The following SLC22A24 variants were observed in gnomAD, a reference collection of about 807,000 sequenced individuals.
The protein encoded by SLC22A24 is solute carrier family 22 member 24, also known as steroid transmembrane transporter SLC22A24.
A neutral mutation model predicts 49.8 loss-of-function variants in SLC22A24; 53 were observed. That is an observed-to-expected ratio of 1.06 (90% confidence interval 0.85 to 1.34). The LOEUF (loss-of-function observed/expected upper bound fraction) is 1.34, where lower values mean the gene tolerates loss of function less well. SLC22A24 is among the 40% of genes most tolerant of loss of function. The probability of loss-of-function intolerance (pLI) is 0.00; values close to 1 mark genes in which losing one functional copy is unlikely to be tolerated. For missense variants in SLC22A24, 786 were observed against 675.9 expected (o/e 1.16, Z -1.81); for synonymous variants, 302 against 256.4 (o/e 1.18, Z -1.70).
At chr11:63,142,888 G>A (rs57753400) in intron 1 of SLC22A24, among the ~76,000 whole-genome samples, 3,578 of 152,134 alleles carry the variant, frequency 0.024, 126 homozygotes, top group African/African-American at 0.08. Flanking sequence ...ACTAATTTGA[G>A]TAGTAATAAA....
intron 5 of SLC22A24, among the ~76,000 whole-genome samples, chr11:63,102,386 T>C (rs2087096616): frequency 6.6e-6 from 1 of 151,986 alleles, no homozygotes; most frequent in Non-Finnish European, 1.5e-5. Flanking sequence ...AATATGTCTC[T>C]CAATAAAAAA....
At chr11:63,083,089 G>A (rs945225994) in intron 7 of SLC22A24, among the ~76,000 whole-genome samples, 154 bp downstream of exon 7, 1 of 152,174 alleles carries the variant, frequency 6.6e-6, no homozygotes, top group African/African-American at 2.4e-5. Flanking sequence ...ACAACATATT[G>A]TCAGAATCAG....
chr11:63,132,131 C>A (rs2087340673), intron 2 of SLC22A24, among the ~76,000 whole-genome samples: 1 of 152,166 alleles, frequency 6.6e-6, no homozygotes, highest in Admixed American at 6.6e-5. Flanking sequence ...CAGCTCCATC[C>A]AGTCCTTTAA....
chr11:63,096,146 C>G (rs2087053620), intron 5 of SLC22A24, 40 bp from the exon 6 acceptor site: 1 of 1,296,082 alleles, frequency 7.7e-7, no homozygotes, highest in Non-Finnish European at 1.1e-6. Flanking sequence ...TGTGAGATGT[C>G]AATAATGTGT....
At chr11:63,124,739 G>A (rs941438849) in intron 2 of SLC22A24, among the ~76,000 whole-genome samples, 3 of 152,202 alleles carry the variant, frequency 2.0e-5, no homozygotes, top group Non-Finnish European at 2.9e-5. Context: ...AAATTAAAAT[G>A]TGGCACATAT....
At chr11:63,122,427 C>A (rs1003889703) in intron 2 of SLC22A24, among the ~76,000 whole-genome samples, 1 of 152,160 alleles carries the variant, frequency 6.6e-6, no homozygotes, top group African/African-American at 2.4e-5. Context: ...AGATTTTGGG[C>A]AGCTAACTCT....
chr11:63,085,388 G>T (rs2086981626), intron 6 of SLC22A24, among the ~76,000 whole-genome samples: 3 of 152,106 alleles, frequency 2.0e-5, no homozygotes, highest in African/African-American at 7.2e-5. Context: ...TGTGGGTAAT[G>T]AGGTGTTTTT....
chr11:63,093,990 A>AT (rs2087036482), intron 6 of SLC22A24, among the ~76,000 whole-genome samples: 1 of 151,582 alleles, frequency 6.6e-6, no homozygotes, highest in Admixed American at 6.6e-5. Context: ...GTATTTAAAA[A>AT]AAAATTTGTT....
At chr11:63,102,808 G>A (rs144711010) in intron 5 of SLC22A24, among the ~76,000 whole-genome samples, 2 of 152,072 alleles carry the variant, frequency 1.3e-5, no homozygotes, top group Non-Finnish European at 2.9e-5. Flanking sequence ...AACTTCTAAC[G>A]TTTGCCTGGC....
chr11:63,119,406 G>T, intron 2 of SLC22A24, 71 bp from the exon 3 acceptor site: 1 of 1,353,908 alleles, frequency 7.4e-7, no homozygotes, highest in East Asian at 2.5e-5. Context: ...ACAAACAATG[G>T]CGCATCTTGA....
At chr11:63,098,499 C>T (rs1370292660) in intron 5 of SLC22A24, among the ~76,000 whole-genome samples, 1 of 152,058 alleles carries the variant, frequency 6.6e-6, no homozygotes, top group Non-Finnish European at 1.5e-5. Context: ...GAAAACCTGT[C>T]TTTACTAAAA....
chr11:63,107,264 G>A, intron 4 of SLC22A24, among the ~76,000 whole-genome samples: 1 of 152,124 alleles, frequency 6.6e-6, no homozygotes, highest in Non-Finnish European at 1.5e-5. Context: ...TTATTTCTGA[G>A]GCCTCTGTTC....
intron 4 of SLC22A24, among the ~76,000 whole-genome samples, chr11:63,112,085 T>C (rs1321714800): frequency 1.3e-5 from 2 of 152,188 alleles, no homozygotes; most frequent in Non-Finnish European, 2.9e-5. Context: ...ACATCTTTAT[T>C]TCTGCCTTCA....
chr11:63,121,298 TAAA>T, intron 2 of SLC22A24, among the ~76,000 whole-genome samples: 1 of 152,166 alleles, frequency 6.6e-6, no homozygotes, highest in Admixed American at 6.6e-5. Context: ...CTATAAAAAT[TAAA>T]GCCTATTAGT....
At chr11:63,097,703 C>A (rs1021363427) in intron 5 of SLC22A24, among the ~76,000 whole-genome samples, 3 of 152,110 alleles carry the variant, frequency 2.0e-5, no homozygotes, top group Non-Finnish European at 2.9e-5. Flanking sequence ...GAAAACGGGG[C>A]ACATATATGC....
At chr11:63,102,318 GA>G (rs1482344226) in intron 5 of SLC22A24, among the ~76,000 whole-genome samples, 1 of 152,038 alleles carries the variant, frequency 6.6e-6, no homozygotes, top group Non-Finnish European at 1.5e-5. Context: ...TAAGATCCCA[GA>G]AAGATAAAAG....
intron 2 of SLC22A24, among the ~76,000 whole-genome samples, chr11:63,122,843 A>G (rs935910339): frequency 1.3e-5 from 2 of 152,314 alleles, no homozygotes; most frequent in East Asian, 1.9e-4. Context: ...AAATTAACAA[A>G]TAATAGTTGT....
At chr11:63,133,036 C>A (rs111444698) in intron 2 of SLC22A24, among the ~76,000 whole-genome samples, 5,848 of 152,270 alleles carry the variant, frequency 0.038, 362 homozygotes, top group African/African-American at 0.13. Flanking sequence ...GCCCCTCCCC[C>A]TGTCAAGCTG....
intron 2 of SLC22A24, among the ~76,000 whole-genome samples, chr11:63,126,626 T>G (rs1014411099): frequency 2.0e-5 from 3 of 152,180 alleles, no homozygotes; most frequent in Admixed American, 1.3e-4. Context: ...TGCTAAGGAT[T>G]TTCTTAGCTA....
Sources: gnomAD v4.1 joint callset for allele counts (sites outside exome capture counted in the v4.1 genomes callset) on GRCh38, gnomAD v4.1.1 for gene constraint, MANE v1.5 for transcripts, NCBI Gene and HGNC (gene_info 2026-07-23, HGNC 2026-07-21) for gene names.